The following INO80 variants were observed in gnomAD, a reference collection of about 807,000 sequenced individuals.
INO80 encodes the protein chromatin-remodeling ATPase INO80.
Under a neutral mutation model 203.4 loss-of-function variants are expected in INO80, and 20 were observed. The ratio of observed to expected loss-of-function variants is 0.10; its 90% CI spans 0.07 to 0.14. The LOEUF (loss-of-function observed/expected upper bound fraction) is 0.14. INO80 is among the 10% of genes least tolerant of loss of function. The pLI is 1.00. For synonymous variants in INO80, 726 were observed against 685.2 expected (o/e 1.06, Z -0.93); for missense variants, 1,419 against 1,914.4 (o/e 0.74, Z 4.83).
intron 29 of INO80, among the ~76,000 whole-genome samples, chr15:40,991,714 G>A (rs1348417334): frequency 6.6e-6 from 1 of 152,078 alleles, no homozygotes; most frequent in Non-Finnish European, 1.5e-5. Context: ...GGGCCTGGCT[G>A]TATAGGTCAG....
At chr15:41,088,814 C>G (rs1206205893) in intron 5 of INO80, among the ~76,000 whole-genome samples, 2 of 152,132 alleles carry the variant, frequency 1.3e-5, no homozygotes, top group Admixed American at 6.5e-5. Flanking sequence ...ATTAAATTAG[C>G]ATGCACTGAG....
chr15:41,050,384 A>T (rs2044849241), intron 19 of INO80, among the ~76,000 whole-genome samples: 1 of 152,204 alleles, frequency 6.6e-6, no homozygotes, highest in African/African-American at 2.4e-5. Context: ...ACAAAAGTAC[A>T]TTCCCAAACA....
intron 14 of INO80, among the ~76,000 whole-genome samples, chr15:41,065,489 G>A (rs11854472): frequency 0.42 from 63,779 of 151,850 alleles, 13,576 homozygotes; most frequent in Middle Eastern, 0.5. Flanking sequence ...TTAATAAGTA[G>A]AATTACCATA....
chr15:41,016,062 T>C, intron 27 of INO80, 26 bp downstream of exon 27: 3 of 1,598,540 alleles, frequency 1.9e-6, no homozygotes, highest in South Asian at 1.1e-5. Flanking sequence ...CAAGGTATCC[T>C]AGGTCCCCAA....
chr15:41,046,761 T>C (rs534528136), intron 23 of INO80, among the ~76,000 whole-genome samples: 65 of 147,344 alleles, frequency 4.4e-4, no homozygotes, highest in African/African-American at 1.5e-3. Context: ...GGGACTACAG[T>C]GGTGTACCAC....
chr15:41,026,582 A>T (rs2044378348), intron 25 of INO80, among the ~76,000 whole-genome samples: 1 of 151,952 alleles, frequency 6.6e-6, no homozygotes, highest in South Asian at 2.1e-4. Context: ...AAAACAAAAA[A>T]AACCAACAAA....
intron 1 of INO80, among the ~76,000 whole-genome samples, chr15:41,098,188 G>C (rs1490845574): frequency 6.6e-6 from 1 of 152,064 alleles, no homozygotes; most frequent in East Asian, 1.9e-4. Flanking sequence ...ATACATCTTT[G>C]AGTTGTCTTC....
intron 24 of INO80, among the ~76,000 whole-genome samples, chr15:41,031,413 A>G (rs1190151753): frequency 6.9e-6 from 1 of 144,450 alleles, no homozygotes; most frequent in Non-Finnish European, 1.5e-5. Flanking sequence ...AAAGTGAAAG[A>G]GAAGGGAAGA....
chr15:41,075,615 C>T (rs1268658394), intron 9 of INO80, among the ~76,000 whole-genome samples: 1 of 152,016 alleles, frequency 6.6e-6, no homozygotes, highest in East Asian at 1.9e-4. Context: ...CCAACATGCC[C>T]GGCTAATTTT....
chr15:41,011,856 G>A (rs1462115798), intron 27 of INO80: 1 of 152,070 alleles, frequency 6.6e-6, no homozygotes, highest in African/African-American at 2.4e-5. Flanking sequence ...ACAACCCAGG[G>A]TCTCAAATGT....
chr15:41,057,880 A>C (rs1295172524), intron 16 of INO80, among the ~76,000 whole-genome samples: 1 of 151,986 alleles, frequency 6.6e-6, no homozygotes, highest in Non-Finnish European at 1.5e-5. Context: ...TAGCCAGTTA[A>C]CATGGACCTC....
rs1446698982 is a variant in INO80 at position 41,011,174 on chromosome 15, A to G, written c.3402+4914T>C. On this transcript the variant is annotated intron_variant, in intron 27 of 35. Coordinates refer to ENST00000648947, the MANE Select transcript of INO80 (RefSeq NM_017553.3). Reference sequence around the variant, plus strand: ...CTCTCTTTTTACATCTGGCTTCCTTAGTCTCAAATTCCTTTCTCCCTGATG... The same window carrying G: ...CTCTCTTTTTACATCTGGCTTCCTTGGTCTCAAATTCCTTTCTCCCTGATG... 3.3e-5 allele frequency among the ~76,000 whole-genome samples: 5 copies of G among 152,184 alleles called. No homozygotes were observed. In the East Asian group the frequency reaches 9.6e-4, roughly 29 times the overall value.
rs1893915682 is a variant in INO80, at chr15:40,983,602, T to G, written c.4237+160A>C. Among the ~76,000 whole-genome samples, 3 of 152,340 alleles carry G rather than the reference T, an allele frequency of 2.0e-5. No homozygotes were observed. The South Asian group carries it at 6.2e-4, about 32-fold the overall frequency. ...AAGTTTTAAATCTTTATAAAGTTACTTATTTTGCTTTCCCTAAACCTCGTT... is the reference window on the plus strand; with the variant it reads ...AAGTTTTAAATCTTTATAAAGTTACGTATTTTGCTTTCCCTAAACCTCGTT... On this transcript the variant is annotated intron_variant, in intron 34 of 35. Transcript: ENST00000648947.
chr15:41,054,763 C>T (rs1032416876), intron 18 of INO80, among the ~76,000 whole-genome samples: 1 of 152,098 alleles, frequency 6.6e-6, no homozygotes, highest in African/African-American at 2.4e-5. Flanking sequence ...CTCAGCCTCC[C>T]GTGTAGCTGG....
chr15:41,067,262 A>C lies in INO80; in HGVS notation c.1782+2308T>G, dbSNP rs577151771. On this transcript the variant is annotated intron_variant, in intron 14 of 35. Coordinates refer to ENST00000648947, the MANE Select transcript of INO80 (RefSeq NM_017553.3). The stretch of plus-strand genomic sequence containing the variant: ...TGGCTGATTTTTGTATTTTTAGTAG[A>C]GACAGGGTTTCACCATCTTGGCCAG... Among the ~76,000 whole-genome samples the C allele has an allele frequency of 2.6e-5, 4 of 152,004 alleles. No individual in the cohort carries two copies. In the South Asian group the frequency reaches 6.2e-4, roughly 24 times the overall value.
chr15:41,058,561 G>T, intron 16 of INO80, 78 bp downstream of exon 16: 1 of 1,014,850 alleles, frequency 9.9e-7, no homozygotes, highest in Non-Finnish European at 1.4e-6. Context: ...CTGTGTGTGT[G>T]TGTGTGTGCG....
In INO80 at chr15:41,013,840, T is replaced by A. The variant is rs375062266; in HGVS notation, c.3402+2248A>T. On this transcript the variant is annotated intron_variant, in intron 27 of 35. Transcript: ENST00000648947. ...ACATATGGCTAAGCAATGTCAGCAG[T>A]TGTGAAATTCAGGCTTTGAATTTGC... 9.8e-5 allele frequency among the ~76,000 whole-genome samples: 15 copies of A among 152,350 alleles called. No individual in the cohort carries two copies. In the East Asian group the frequency reaches 2.7e-3, roughly 27 times the overall value.
At chr15:40,990,370 T>C (rs962074102) in intron 29 of INO80, among the ~76,000 whole-genome samples, 1 of 151,814 alleles carries the variant, frequency 6.6e-6, no homozygotes, top group Non-Finnish European at 1.5e-5. Flanking sequence ...GTCTCTCTTT[T>C]TCTTTTCTGA....
rs542628162 is a variant in INO80, at chr15:41,092,007, G to C, written c.537+20C>G. ...AGAGGGTGAATATTCAGTTTGAAGT[G>C]TTTCTCCTGAAACTCTTACCTCCTT... On this transcript the variant is annotated intron_variant, in intron 5 of 35. Coordinates refer to ENST00000648947, the MANE Select transcript of INO80 (RefSeq NM_017553.3). 6.3e-7 allele frequency: 1 copy of C among 1,580,274 alleles called. No individual in the cohort carries two copies. Among genetic ancestry groups the C allele is most frequent in the Non-Finnish European group, 8.7e-7 (1 of 1,153,252 alleles).
Sources: allele counts gnomAD v4.1 joint callset (sites outside exome capture counted in the v4.1 genomes callset), GRCh38; gene constraint gnomAD v4.1.1; transcripts MANE v1.5; gene names NCBI Gene and HGNC (gene_info 2026-07-23, HGNC 2026-07-21).